The following ARHGAP6 variants were observed in gnomAD, a reference collection of about 807,000 sequenced individuals.
ARHGAP6 encodes the protein Rho GTPase activating protein 6.
Under a neutral mutation model 55.7 loss-of-function variants are expected in ARHGAP6, and 16 were observed. The ratio of observed to expected loss-of-function variants is 0.29; its 90% CI spans 0.19 to 0.44. The LOEUF (loss-of-function observed/expected upper bound fraction) is 0.44, where lower values mean the gene tolerates loss of function less well. Ranked by LOEUF, ARHGAP6 falls within the 20% of genes least tolerant of loss-of-function variation. The pLI is 1.00. For synonymous variants in ARHGAP6, 382 were observed against 360.9 expected (o/e 1.06, Z -0.66); for missense variants, 698 against 808.9 (o/e 0.86, Z 1.66).
chrX:11,344,697 A>G (rs911488468), intron 1 of ARHGAP6, among the ~76,000 whole-genome samples: 2 of 103,536 alleles, frequency 1.9e-5, no homozygotes, highest in East Asian at 2.9e-4. Context: ...AAAAAAAAAA[A>G]AAAAAAAGAA....
chrX:11,425,093 C>G (rs2049865042), intron 1 of ARHGAP6, among the ~76,000 whole-genome samples: 1 of 111,959 alleles, frequency 8.9e-6, no homozygotes, highest in Non-Finnish European at 1.9e-5. Flanking sequence ...AGCCACTGAC[C>G]TCTTATATGC....
At chrX:11,617,665 T>C (rs914073207) in intron 1 of ARHGAP6, among the ~76,000 whole-genome samples, 9 of 111,562 alleles carry the variant, frequency 8.1e-5, no homozygotes, top group Non-Finnish European at 3.8e-5. Context: ...TTTACCAAGA[T>C]AGTAATGAGT....
Position 11,230,346 on chromosome X carries a change from C to T in ARHGAP6, c.748+24202G>A, listed in dbSNP as rs760370145. ...CCGAGTAGCTGGGACTACAGGCACA[C>T]GCCACCACACCCAGCTAATTTTTGT... On this transcript the variant is annotated intron_variant, in intron 2 of 12. Coordinates refer to ENST00000337414, the MANE Select transcript of ARHGAP6 (RefSeq NM_013427.3). 5.4e-5 allele frequency among the ~76,000 whole-genome samples: 6 copies of T among 111,231 alleles called. No homozygotes were observed. In the East Asian group the frequency reaches 1.4e-3, roughly 26 times the overall value.
rs56274949 is a variant in ARHGAP6, at chrX:11,660,530, C to CAAAAA, written c.588+3706_588+3710dup. On this transcript the variant is annotated intron_variant, in intron 1 of 12. Coordinates refer to ENST00000337414, the MANE Select transcript of ARHGAP6 (RefSeq NM_013427.3). ...CAACAGGGTGAGACTCTCTCTCTCT[C>CAAAAA]AAAAAAAAAAAAAAAAAAAAAAAAA... 8.1e-4 allele frequency among the ~76,000 whole-genome samples: 22 copies of CAAAAA among 27,301 alleles called. 4 individuals are homozygous for CAAAAA. The highest frequency in any genetic ancestry group is 1.5e-3 in the Non-Finnish European group (21 of 13,790). The allele number at this position is 27,301 out of a possible 115,157, so 23.7% of individuals were successfully genotyped here.
chrX:11,241,305 T>C (rs2047274451), intron 2 of ARHGAP6, among the ~76,000 whole-genome samples: 2 of 110,277 alleles, frequency 1.8e-5, no homozygotes, highest in African/African-American at 6.6e-5. Flanking sequence ...CCCTATCCCT[T>C]TTAATGTTTG....
At chrX:11,654,212 G>C (rs2147201113) in intron 1 of ARHGAP6, among the ~76,000 whole-genome samples, 1 of 111,480 alleles carries the variant, frequency 9.0e-6, no homozygotes, top group East Asian at 2.8e-4. Context: ...GGGCCTCAAA[G>C]TACCAGCTTG....
intron 9 of ARHGAP6, among the ~76,000 whole-genome samples, chrX:11,163,595 A>G (rs2045978489): frequency 8.9e-6 from 1 of 112,609 alleles, no homozygotes; most frequent in Non-Finnish European, 1.9e-5. Context: ...TGTAGTTAAC[A>G]AACACACTAA....
At chrX:11,635,650 T>A (rs2052410034) in intron 1 of ARHGAP6, among the ~76,000 whole-genome samples, 1 of 111,453 alleles carries the variant, frequency 9.0e-6, no homozygotes, top group African/African-American at 3.3e-5. Context: ...ATATTTGGCT[T>A]GATTCTTATC....
chrX:11,517,145 C>A (rs963690537), intron 1 of ARHGAP6, among the ~76,000 whole-genome samples: 2 of 111,890 alleles, frequency 1.8e-5, no homozygotes, highest in African/African-American at 6.5e-5. Flanking sequence ...AGGCTGGGCT[C>A]TGCTTCACAT....
At chrX:11,431,604 A>G (rs2049941288) in intron 1 of ARHGAP6, among the ~76,000 whole-genome samples, 1 of 111,845 alleles carries the variant, frequency 8.9e-6, no homozygotes, top group Non-Finnish European at 1.9e-5. Context: ...AGTTACTATG[A>G]GACCCTCTAA....
chrX:11,613,487 C>A (rs1329542087), intron 1 of ARHGAP6, among the ~76,000 whole-genome samples: 2 of 112,300 alleles, frequency 1.8e-5, no homozygotes, highest in Non-Finnish European at 1.9e-5. Context: ...CATTCCCACA[C>A]ACTTTCACAG....
At chrX:11,376,170 ACTCATC>A (rs777338317) in intron 1 of ARHGAP6, among the ~76,000 whole-genome samples, 2 of 111,879 alleles carry the variant, frequency 1.8e-5, no homozygotes, top group African/African-American at 6.5e-5. Context: ...AATAACAGAA[ACTCATC>A]TATTGGCAGA....
intron 1 of ARHGAP6, among the ~76,000 whole-genome samples, chrX:11,592,793 A>C (rs1254695562): frequency 9.0e-6 from 1 of 111,563 alleles, no homozygotes; most frequent in Non-Finnish European, 1.9e-5. Context: ...ACAGAAGACA[A>C]GGAGTTGTTT....
intron 1 of ARHGAP6, among the ~76,000 whole-genome samples, chrX:11,567,354 A>G (rs1249192052): frequency 9.2e-6 from 1 of 109,262 alleles, no homozygotes; most frequent in Non-Finnish European, 1.9e-5. Context: ...ACTGAGAGAC[A>G]GTACAGAATA....
chrX:11,213,169 G>A (rs1244869027), intron 2 of ARHGAP6, among the ~76,000 whole-genome samples: 2 of 112,896 alleles, frequency 1.8e-5, no homozygotes, highest in Admixed American at 9.3e-5. Flanking sequence ...CCTCACCCCC[G>A]GGCTCGTTCC....
chrX:11,472,778 G>C (rs2050360970), intron 1 of ARHGAP6, among the ~76,000 whole-genome samples: 1 of 111,382 alleles, frequency 9.0e-6, no homozygotes, highest in Non-Finnish European at 1.9e-5. Context: ...CTGTCACATG[G>C]TGATGTGGAG....
intron 1 of ARHGAP6, among the ~76,000 whole-genome samples, chrX:11,466,445 C>T (rs1459249153): frequency 1.8e-5 from 2 of 110,350 alleles, no homozygotes; most frequent in Admixed American, 9.6e-5. Context: ...AAAACTATTA[C>T]CACACCTCAC....
chrX:11,566,583 A>G (rs2051443992), intron 1 of ARHGAP6, among the ~76,000 whole-genome samples: 1 of 112,437 alleles, frequency 8.9e-6, no homozygotes, highest in Non-Finnish European at 1.9e-5. Context: ...GGTTTTCTCT[A>G]TCATTAAACT....
chrX:11,300,354 C>T (rs1418429922), intron 1 of ARHGAP6, among the ~76,000 whole-genome samples: 1 of 111,043 alleles, frequency 9.0e-6, no homozygotes, highest in African/African-American at 3.3e-5. Flanking sequence ...CAAGACGTAC[C>T]CCCCAAAAAG....
Sources: gnomAD v4.1 joint callset for allele counts (sites outside exome capture counted in the v4.1 genomes callset) on GRCh38, gnomAD v4.1.1 for gene constraint, MANE v1.5 for transcripts, NCBI Gene and HGNC (gene_info 2026-07-23, HGNC 2026-07-21) for gene names.